Variants in FBXL7 observed in about 807,000 individuals in gnomAD.
FBXL7 encodes F-box/LRR-repeat protein 7.
A neutral mutation model predicts 38.3 loss-of-function variants in FBXL7; 12 were observed. That is an observed-to-expected ratio of 0.31 (90% CI 0.20 to 0.51). FBXL7 has a LOEUF of 0.51. FBXL7 is among the 20% of genes least tolerant of loss of function. The probability of loss-of-function intolerance (pLI) is 0.98; values close to 1 mark genes in which losing one functional copy is unlikely to be tolerated. For missense variants in FBXL7, 567 were observed against 676.4 expected (o/e 0.84, Z 1.79); for synonymous variants, 297 against 300.9 (o/e 0.99, Z 0.13).
intron 2 of FBXL7, among the ~76,000 whole-genome samples, chr5:15,722,738 C>T (rs558297630): frequency 2.6e-5 from 4 of 152,198 alleles, no homozygotes; most frequent in Non-Finnish European, 4.4e-5. Context: ...GCCTGGCCAA[C>T]GTGGTGAAAC....
At chr5:15,603,797 A>C (rs1047302537) in intron 1 of FBXL7, among the ~76,000 whole-genome samples, 2 of 152,170 alleles carry the variant, frequency 1.3e-5, no homozygotes, top group East Asian at 3.8e-4. Context: ...GAAAGGAAGA[A>C]AGGAAAACAT....
chr5:15,593,862 A>G (rs1340290556), intron 1 of FBXL7, among the ~76,000 whole-genome samples: 2 of 152,184 alleles, frequency 1.3e-5, no homozygotes, highest in Non-Finnish European at 2.9e-5. Flanking sequence ...CTTGGGCACT[A>G]TCCAATGAAA....
chr5:15,579,609 A>G (rs768311220), intron 1 of FBXL7, among the ~76,000 whole-genome samples: 3 of 152,166 alleles, frequency 2.0e-5, no homozygotes, highest in Non-Finnish European at 4.4e-5. Flanking sequence ...CTTTTGCCAC[A>G]TTCCAGACAA....
At chr5:15,541,361 TATATATACAC>T (rs895439801) in intron 1 of FBXL7, among the ~76,000 whole-genome samples, 50 of 146,992 alleles carry the variant, frequency 3.4e-4, no homozygotes, top group Middle Eastern at 7.2e-3. Flanking sequence ...AAACTATATG[TATATATACAC>T]ATATATATAT....
intron 2 of FBXL7, among the ~76,000 whole-genome samples, chr5:15,845,484 C>T (rs1483247466): frequency 2.0e-5 from 3 of 151,736 alleles, no homozygotes; most frequent in Non-Finnish European, 2.9e-5. Context: ...TTAGGACTAA[C>T]CCATCTAGTA....
At position 15,928,065 on chromosome 5, in the gene FBXL7, C is replaced by G. The variant is rs868623365; in HGVS notation, c.303C>G (p.Ile101Met). 4 of 1,537,902 alleles carry G rather than the reference C, an allele frequency of 2.6e-6. No homozygotes were observed. The highest frequency in any genetic ancestry group is 1.4e-5 in the African/African-American group (1 of 72,626). Residue 101 changes from isoleucine (I) to methionine (M), a missense_variant, in exon 3 of 4, where the codon ATC (isoleucine) becomes ATG (methionine). Ile to Met is a conservative substitution (Grantham distance 10). Transcript: ENST00000504595. This position sits in a 1 kb window ranked among gnomAD's most constrained non-coding sequence, Gnocchi z 4.0. ...PPPTRLTHPLIRLASRPQKEQ... is the reference protein window; with the variant it reads ...PPPTRLTHPLMRLASRPQKEQ... ...CGACCCGCCTCACACACCCGCTCAT[C>G]CGGCTCGCCTCCAGACCCCAGAAGG... is the stretch of plus-strand genomic sequence containing the variant.
chr5:15,508,678 T>C (rs2126352135), intron 1 of FBXL7, among the ~76,000 whole-genome samples: 1 of 152,286 alleles, frequency 6.6e-6, no homozygotes, highest in South Asian at 2.1e-4. Flanking sequence ...GGGTTATTAG[T>C]TCTAAGTCAT....
chr5:15,675,390 A>G (rs930426967), intron 2 of FBXL7, among the ~76,000 whole-genome samples: 15 of 152,172 alleles, frequency 9.9e-5, no homozygotes, highest in African/African-American at 3.4e-4. Flanking sequence ...AAATAACACA[A>G]TCTTGTATCA....
At chr5:15,856,936 T>C (rs1447679080) in intron 2 of FBXL7, among the ~76,000 whole-genome samples, 3 of 152,204 alleles carry the variant, frequency 2.0e-5, no homozygotes, top group African/African-American at 4.8e-5. Flanking sequence ...TAAACATTCA[T>C]ATATATTTAT....
At chr5:15,700,558 C>A (rs1743491241) in intron 2 of FBXL7, among the ~76,000 whole-genome samples, 1 of 152,184 alleles carries the variant, frequency 6.6e-6, no homozygotes, top group Non-Finnish European at 1.5e-5. Context: ...ATGTGTCTTA[C>A]AAACTATAGC....
Position 15,936,661 on chromosome 5 carries a change from C to T in FBXL7, c.951C>T (p.Arg317=), listed in dbSNP as rs756053497. 5.6e-6 allele frequency: 9 copies of T among 1,608,498 alleles called. No homozygotes were observed. In the South Asian group the frequency reaches 9.9e-5, roughly 18 times the overall value. The part of the protein sequence containing the change: ...RCVRLTDEGL[R]YLVIYCASIK... ...TCCGCCTGACCGACGAAGGCCTGCG[C>T]TACCTGGTGATCTACTGCGCCTCCA... The change falls in exon 4 of 4, where the codon CGC becomes CGT. Residue 317 remains arginine (R), a synonymous_variant. Transcript: ENST00000504595. This position sits in a 1 kb window ranked among gnomAD's most constrained non-coding sequence, Gnocchi z 6.0.
chr5:15,775,107 A>C lies in FBXL7; in HGVS notation c.128-152783A>C, dbSNP rs1004729755. Among the ~76,000 whole-genome samples the C allele has an allele frequency of 6.6e-4, 101 of 152,244 alleles. 5 individuals carry two copies. The highest frequency in any genetic ancestry group is 1.5e-5 in the Non-Finnish European group (1 of 68,036). On this transcript the variant is annotated intron_variant, in intron 2 of 3. Coordinates refer to ENST00000504595, the MANE Select transcript of FBXL7 (RefSeq NM_012304.5). ...TTTCACAGTTTACCATGTTGTAAAC[A>C]TCAAACAGCTAAGCAGCATAGGAAA...
At position 15,824,077 on chromosome 5, in the gene FBXL7, A is replaced by C. The variant is rs373534153; in HGVS notation, c.128-103813A>C. ...CGGATCACTTGAGGTCAGGAGTTCGAGACCAGCCTGACCAACGAGACCAGC... is the reference window on the plus strand; with the variant it reads ...CGGATCACTTGAGGTCAGGAGTTCGCGACCAGCCTGACCAACGAGACCAGC... On this transcript the variant is annotated intron_variant, in intron 2 of 3. Coordinates refer to ENST00000504595, the MANE Select transcript of FBXL7 (RefSeq NM_012304.5). Among the ~76,000 whole-genome samples, 103 of 152,058 alleles carry C rather than the reference A, an allele frequency of 6.8e-4. 1 individual carries two copies. Among genetic ancestry groups the C allele is most frequent in the African/African-American group, 2.3e-3 (97 of 41,472 alleles).
At chr5:15,811,460 C>T (rs1737856563) in intron 2 of FBXL7, among the ~76,000 whole-genome samples, 1 of 151,954 alleles carries the variant, frequency 6.6e-6, no homozygotes, top group Admixed American at 6.6e-5. Flanking sequence ...TTTATAAGAA[C>T]AGAAGTCATA....
intron 2 of FBXL7, among the ~76,000 whole-genome samples, chr5:15,772,108 C>T (rs1339385346): frequency 1.3e-5 from 2 of 152,128 alleles, no homozygotes; most frequent in East Asian, 3.9e-4. Flanking sequence ...TATAAGTGAT[C>T]TAAAAGCCTC....
intron 2 of FBXL7, among the ~76,000 whole-genome samples, chr5:15,634,034 G>T (rs1042148855): frequency 6.6e-6 from 1 of 151,894 alleles, no homozygotes; most frequent in Non-Finnish European, 1.5e-5. Context: ...ACCTGCCTCA[G>T]CCTCCCAAAG....
rs538817029 is a variant in FBXL7 at position 15,540,712 on chromosome 5, C to T, written c.37+39999C>T. ...TGAACGTCTAAGATCAGGGAACCAGCGTGGTCAGGTTCTGCTGAGAGCCCT... is the reference window on the plus strand; with the variant it reads ...TGAACGTCTAAGATCAGGGAACCAGTGTGGTCAGGTTCTGCTGAGAGCCCT... On this transcript the variant is annotated intron_variant, in intron 1 of 3. Transcript: ENST00000504595. Among the ~76,000 whole-genome samples, 7 of 152,230 alleles carry T rather than the reference C, an allele frequency of 4.6e-5. No homozygotes were observed. The South Asian group carries it at 8.3e-4, about 18-fold the overall frequency.
At chr5:15,511,871 A>G (rs1736806161) in intron 1 of FBXL7, among the ~76,000 whole-genome samples, 1 of 152,212 alleles carries the variant, frequency 6.6e-6, no homozygotes, top group Non-Finnish European at 1.5e-5. Context: ...CAGGGCCAAA[A>G]CCCAGAAGTG....
chr5:15,865,499 T>C (rs1739668072), intron 2 of FBXL7, among the ~76,000 whole-genome samples: 1 of 152,200 alleles, frequency 6.6e-6, no homozygotes, highest in South Asian at 2.1e-4. Context: ...ATTCCTGCAC[T>C]GCATAATGCT....
Sources: allele counts gnomAD v4.1 joint callset (sites outside exome capture counted in the v4.1 genomes callset), GRCh38; gene constraint gnomAD v4.1.1; non-coding constraint Gnocchi (gnomAD v3.1); transcripts MANE v1.5; gene names NCBI Gene and HGNC (gene_info 2026-07-23, HGNC 2026-07-21).